TMEM35A: variants seen among roughly 807,000 people sequenced by gnomAD.
The protein encoded by TMEM35A is nicotinic acetylcholine receptor chaperone.
For synonymous variants in TMEM35A, 50 were observed against 54.7 expected, an observed-to-expected ratio of 0.91 and a Z score of 0.38; for missense variants, 83 against 132.7, an observed-to-expected ratio of 0.63 and a Z score of 1.84.
chrX:101,084,262 C>G (rs970740849), intron 1 of TMEM35A, among the ~76,000 whole-genome samples: 2 of 105,963 alleles, frequency 1.9e-5, no homozygotes, highest in Non-Finnish European at 3.9e-5. Flanking sequence ...TATGTAATGG[C>G]TTTTTATTAC....
intron 1 of TMEM35A, among the ~76,000 whole-genome samples, chrX:101,090,223 A>G (rs2089319799): frequency 9.8e-6 from 1 of 101,923 alleles, no homozygotes; most frequent in African/African-American, 4.0e-5. Flanking sequence ...TGCCATCTTG[A>G]CTCACTGAAA....
chrX:101,092,614 C>T (rs1193820177), intron 1 of TMEM35A, among the ~76,000 whole-genome samples: 1 of 110,282 alleles, frequency 9.1e-6, no homozygotes, highest in Admixed American at 9.8e-5. Flanking sequence ...AATTCCAGCA[C>T]TTTGGGAGGC....
At chrX:101,087,130 A>G (rs1291310023) in intron 1 of TMEM35A, among the ~76,000 whole-genome samples, 2 of 109,780 alleles carry the variant, frequency 1.8e-5, no homozygotes, top group Non-Finnish European at 3.8e-5. Flanking sequence ...CTAATGTTGT[A>G]TTTTTAGTAG....
At chrX:101,092,753 T>C (rs5966734) in intron 1 of TMEM35A, among the ~76,000 whole-genome samples, 16,459 of 107,754 alleles carry the variant, frequency 0.15, 3,187 homozygotes, top group African/African-American at 0.53. Flanking sequence ...GGTAGCTATG[T>C]GGGAGGCTGA....
intron 1 of TMEM35A, among the ~76,000 whole-genome samples, chrX:101,084,742 G>A (rs1336640283): frequency 3.6e-5 from 4 of 110,890 alleles, no homozygotes; most frequent in Non-Finnish European, 5.7e-5. Context: ...GTGGGTACCT[G>A]TAATCCCAGC....
intron 1 of TMEM35A, among the ~76,000 whole-genome samples, chrX:101,091,426 C>T (rs1288325824): frequency 1.6e-4 from 18 of 109,926 alleles, no homozygotes; most frequent in African/African-American, 5.7e-4. Context: ...TCTCAGCCTC[C>T]CAAATAGCTG....
At chrX:101,094,489 G>A in intron 1 of TMEM35A, 84 bp from the exon 2 acceptor site, 1 of 997,116 alleles carries the variant, frequency 1.0e-6, no homozygotes, top group Non-Finnish European at 1.4e-6. Flanking sequence ...TGTGAAAGGG[G>A]AGAGGACTCT....
In TMEM35A at chrX:101,080,232, G is replaced by A. The variant is rs149841340; in HGVS notation, c.120+1110G>A. 1.3e-4 allele frequency among the ~76,000 whole-genome samples: 15 copies of A among 111,827 alleles called. No individual in the cohort carries two copies. In the East Asian group the frequency reaches 4.2e-3, roughly 31 times the overall value. On this transcript the variant is annotated intron_variant, in intron 1 of 1. Transcript: ENST00000372930. ...GGCAAGCCCTTTTAGGGCTGAGGCAGGGAGGAACAGCCTCACACATTGCGA... is the reference window on the plus strand; with the variant it reads ...GGCAAGCCCTTTTAGGGCTGAGGCAAGGAGGAACAGCCTCACACATTGCGA...
At position 101,095,072 on chromosome X, in the gene TMEM35A, T is replaced by C. The variant is rs1569496159; in HGVS notation, c.*116T>C. 37 of 870,188 alleles carry C rather than the reference T, an allele frequency of 4.3e-5. No individual in the cohort carries two copies. In the East Asian group the frequency reaches 1.2e-3, roughly 29 times the overall value. 71.7% of individuals were successfully genotyped at this position (870,188 alleles called of 1,213,427 possible). Reference sequence around the variant, plus strand: ...ATCTTGGGGAAAGTGAAAAATGTAATCTGCAAGTTAATGACCCTATTGGCT... The same window carrying C: ...ATCTTGGGGAAAGTGAAAAATGTAACCTGCAAGTTAATGACCCTATTGGCT... On this transcript the variant is annotated 3_prime_UTR_variant, in exon 2 of 2. Transcript: ENST00000372930.
At chrX:101,084,616 G>A (rs2089301735) in intron 1 of TMEM35A, among the ~76,000 whole-genome samples, 1 of 111,748 alleles carries the variant, frequency 8.9e-6, no homozygotes, top group African/African-American at 3.3e-5. Context: ...TGTAATCCCA[G>A]CACTTTGGGA....
intron 1 of TMEM35A, among the ~76,000 whole-genome samples, chrX:101,086,207 G>A (rs1292022944): frequency 9.0e-6 from 1 of 111,623 alleles, no homozygotes; most frequent in Non-Finnish European, 1.9e-5. Flanking sequence ...CGCAACCTCT[G>A]CTTCCCAGGT....
At chrX:101,085,855 T>C (rs2089305822) in intron 1 of TMEM35A, among the ~76,000 whole-genome samples, 2 of 110,230 alleles carry the variant, frequency 1.8e-5, no homozygotes, top group South Asian at 7.9e-4. Context: ...GAGAATTGCT[T>C]GAACCCAGGA....
At position 101,094,638 on chromosome X, in the gene TMEM35A, T is replaced by C. The variant is rs1569496104; in HGVS notation, c.186T>C (p.Ile62=). The C allele has an allele frequency of 8.3e-7, 1 of 1,211,052 alleles. No homozygotes were observed. The highest frequency in any genetic ancestry group is 3.0e-5 in the East Asian group (1 of 33,832). ...TGAAGAAAATGGGGATCAATTCCAT[T>C]CTCCTCCGAAAAAGCATTGGTGCCC... ...PLLKKMGINS[I]LLRKSIGALE... Residue 62 remains isoleucine (I), a synonymous_variant, in exon 2 of 2, where the codon ATT becomes ATC. Coordinates refer to ENST00000372930, the MANE Select transcript of TMEM35A (RefSeq NM_021637.3).
chrX:101,088,922 C>T (rs1354270899), intron 1 of TMEM35A, among the ~76,000 whole-genome samples: 2 of 109,986 alleles, frequency 1.8e-5, no homozygotes, highest in African/African-American at 6.6e-5. Flanking sequence ...GTTATGGAAG[C>T]CTCTGGGGTC....
chrX:101,083,594 T>G (rs2089298530), intron 1 of TMEM35A, among the ~76,000 whole-genome samples: 1 of 112,135 alleles, frequency 8.9e-6, no homozygotes, highest in Non-Finnish European at 1.9e-5. Context: ...GGTAATCTTT[T>G]AAGCTTCCAA....
At position 101,094,857 on chromosome X, in the gene TMEM35A, C is replaced by G. The variant is rs777947185; in HGVS notation, c.405C>G (p.Pro135=). ...LTCRLLIARK[P]EDRSSEKKPL... is the part of the protein sequence containing the mutation. ...GCCGCCTGCTGATTGCTCGCAAGCC[C>G]GAAGACCGGTCTTCTGAGAAGAAGC... is the stretch of plus-strand genomic sequence containing the variant. The change falls in exon 2 of 2, where the codon CCC becomes CCG. Residue 135 remains proline, a synonymous_variant. Coordinates refer to ENST00000372930, the MANE Select transcript of TMEM35A (RefSeq NM_021637.3). 2.0e-5 allele frequency: 24 copies of G among 1,208,241 alleles called. No individual in the cohort carries two copies. Among genetic ancestry groups the G allele is most frequent in the Non-Finnish European group, 2.2e-5 (20 of 895,182 alleles).
chrX:101,083,766 T>G lies in TMEM35A; in HGVS notation c.120+4644T>G, dbSNP rs752293300. Among the ~76,000 whole-genome samples, 3 of 111,618 alleles carry G rather than the reference T, an allele frequency of 2.7e-5. No individual in the cohort carries two copies. In the East Asian group the frequency reaches 8.4e-4, roughly 31 times the overall value. On this transcript the variant is annotated intron_variant, in intron 1 of 1. Coordinates refer to ENST00000372930, the MANE Select transcript of TMEM35A (RefSeq NM_021637.3). ...ATTCACACAGCCTGCCATCACAAGCTAAACTACATATTAGAGTTTATGTTG... is the reference window on the plus strand; with the variant it reads ...ATTCACACAGCCTGCCATCACAAGCGAAACTACATATTAGAGTTTATGTTG...
At chrX:101,089,577 C>T (rs1391008819) in intron 1 of TMEM35A, among the ~76,000 whole-genome samples, 1 of 89,475 alleles carries the variant, frequency 1.1e-5, no homozygotes, top group African/African-American at 4.2e-5. Flanking sequence ...GGGGCTGTCT[C>T]TAAAAAAAAA....
At chrX:101,089,865 CA>C (rs1329753879) in intron 1 of TMEM35A, among the ~76,000 whole-genome samples, 2 of 111,276 alleles carry the variant, frequency 1.8e-5, no homozygotes, top group Non-Finnish European at 3.8e-5. Context: ...TAAGAGTCCT[CA>C]TAGGCGATTA....
Sources: gnomAD v4.1 joint callset for allele counts (sites outside exome capture counted in the v4.1 genomes callset) on GRCh38, gnomAD v4.1.1 for gene constraint, MANE v1.5 for transcripts, NCBI Gene and HGNC (gene_info 2026-07-23, HGNC 2026-07-21) for gene names.